The following SLFN13 variants were observed in gnomAD, a reference collection of about 807,000 sequenced individuals.
SLFN13 encodes the protein schlafen family member 13, also known as schlafen-13.
A neutral mutation model predicts 50.6 loss-of-function variants in SLFN13; 43 were observed. That is an observed-to-expected ratio of 0.85 (90% confidence interval 0.67 to 1.09). The LOEUF (loss-of-function observed/expected upper bound fraction) is 1.09. Among genes scored for constraint, SLFN13 ranks in the 50% least tolerant of loss-of-function variants. The pLI is 0.00. For missense variants in SLFN13, 881 were observed against 1,071.1 expected (o/e 0.82, Z 2.48); for synonymous variants, 339 against 386.5 (o/e 0.88, Z 1.44).
chr17:35,439,454 TAAC>T lies in SLFN13; in HGVS notation c.*1138_*1140del, dbSNP rs1297184634. On this transcript the variant is annotated 3_prime_UTR_variant, in exon 6 of 6. Coordinates refer to ENST00000285013, the MANE Select transcript of SLFN13 (RefSeq NM_144682.6). ...ACAGCTACGCTGAGATGTTACAATG[TAAC>T]AACATAAACTCACTGCATTTTTTTT... The T allele has an allele frequency of 6.7e-6, 1 of 149,640 alleles. No individual in the cohort carries two copies. Among genetic ancestry groups the T allele is most frequent in the Non-Finnish European group, 1.5e-5 (1 of 67,680 alleles). The allele number at this position is 149,640 out of a possible 1,614,324, so 9.3% of individuals were successfully genotyped here.
At chr17:35,449,033 AC>A (rs1913373114), upstream of SLFN13, among the ~76,000 whole-genome samples, 1 of 134,038 alleles carries the variant, frequency 7.5e-6, no homozygotes, top group African/African-American at 2.9e-5. Context: ...GCACAGTGGG[AC>A]CCCCGTCTGT....
At chr17:35,444,427 A>G (rs1433930947) in intron 3 of SLFN13, among the ~76,000 whole-genome samples, 188 bp downstream of exon 3, 1 of 152,230 alleles carries the variant, frequency 6.6e-6, no homozygotes. Flanking sequence ...GTGGGAAATC[A>G]CCATTCACAA....
Position 35,437,678 on chromosome 17 carries a change from T to A in SLFN13, c.*2917A>T, listed in dbSNP as rs1313235359. On this transcript the variant is annotated 3_prime_UTR_variant, in exon 6 of 6. Coordinates refer to ENST00000285013, the MANE Select transcript of SLFN13 (RefSeq NM_144682.6). ...AGTGGCAGGAGACTACAAGGACAGA[T>A]CTGTGAGCATTCCTGGAATTCTCAG... 6.6e-6 allele frequency: 1 copy of A among 152,038 alleles called. No individual in the cohort carries two copies. The highest frequency in any genetic ancestry group is 1.5e-5 in the Non-Finnish European group (1 of 68,006). The allele number at this position is 152,038 out of a possible 1,614,324, so 9.4% of individuals were successfully genotyped here. A position where few individuals can be genotyped will look rare whatever the true frequency, so the allele number is the denominator to read the frequency against.
In SLFN13 at chr17:35,443,888, A is replaced by G. The variant is rs1180502774; in HGVS notation, c.1099T>C (p.Ser367Pro). The G allele has an allele frequency of 3.1e-6, 5 of 1,613,784 alleles. No individual in the cohort carries two copies. The East Asian group carries it at 8.9e-5, about 29-fold the overall frequency. The change falls in exon 4 of 6, where the codon TCT becomes CCT. Residue 367 changes from serine (S) to proline (P), a missense_variant. Ser to Pro is a moderately conservative substitution (Grantham distance 74, BLOSUM62 -1). Transcript: ENST00000285013. The part of the protein sequence containing the change: ...FPPDFAEAFE[S>P]QLSLSDSPSL... ...GGACTGTCAGATAGACTCAACTGAG[A>G]CTCAAAGGCCTCAGCAAAGTCTGGA...
chr17:35,443,991 C>T, intron 3 of SLFN13, 71 bp from the exon 4 acceptor site: 2 of 1,479,856 alleles, frequency 1.4e-6, no homozygotes, highest in Non-Finnish European at 1.8e-6. Flanking sequence ...CTGTACAAGG[C>T]TGTGTCTAAA....
rs1912663287 is a variant in SLFN13, at chr17:35,437,033, T to C, written c.*3562A>G. 6.6e-6 allele frequency: 1 copy of C among 151,988 alleles called. No homozygotes were observed. Among genetic ancestry groups the C allele is most frequent in the Non-Finnish European group, 1.5e-5 (1 of 68,004 alleles). The allele number at this position is 151,988 out of a possible 1,614,324, so 9.4% of individuals were successfully genotyped here. On this transcript the variant is annotated 3_prime_UTR_variant, in exon 6 of 6. Coordinates refer to ENST00000285013, the MANE Select transcript of SLFN13 (RefSeq NM_144682.6). ...AAACACCCACTGAAGTATTTAGTGGTAAATGGGAACCCTGTCCGCTACTTA... is the reference window on the plus strand; with the variant it reads ...AAACACCCACTGAAGTATTTAGTGGCAAATGGGAACCCTGTCCGCTACTTA...
At chr17:35,443,432 G>A (rs1223595967) in intron 4 of SLFN13, among the ~76,000 whole-genome samples, 1 of 152,166 alleles carries the variant, frequency 6.6e-6, no homozygotes, top group Non-Finnish European at 1.5e-5. Context: ...TCCCCTTGTA[G>A]TTGTACTAGA....
intron 1 of SLFN13, among the ~76,000 whole-genome samples, chr17:35,447,832 T>C (rs928338924): frequency 9.9e-5 from 15 of 152,024 alleles, no homozygotes; most frequent in Non-Finnish European, 1.8e-4. Flanking sequence ...ATCAGGATAA[T>C]GGGTACAGGG....
chr17:35,446,628 C>T (rs1341979207), intron 2 of SLFN13: 1 of 152,150 alleles, frequency 6.6e-6, no homozygotes, highest in African/African-American at 2.4e-5. Context: ...CACAGGTGTT[C>T]AGCAAAGGAA....
rs201392367 is a variant in SLFN13 at position 35,445,294 on chromosome 17, G to T, written c.387C>A (p.Ser129Arg). 8.7e-6 allele frequency: 14 copies of T among 1,613,700 alleles called. No individual in the cohort carries two copies. The highest frequency in any genetic ancestry group is 1.1e-5 in the Non-Finnish European group (13 of 1,179,964). ...ATCTACAGTATAATGAAGAACTAAGGCTGCAAATGCGGGAATTGAAAGAAC... is the reference window on the plus strand; with the variant it reads ...ATCTACAGTATAATGAAGAACTAAGTCTGCAAATGCGGGAATTGAAAGAAC... ...KDGSFNSRIC[S>R]LSSSLYCRSG... Residue 129 changes from serine (S) to arginine (R), a missense_variant, in exon 3 of 6, where the codon AGC (serine) becomes AGA (arginine). By Grantham distance (110) the Ser-to-Arg change is moderately radical (BLOSUM62 -1). Around this residue, in one of 5 missense-constraint regions of SLFN13, gnomAD observed 497 missense variants for 518.3 expected, o/e 0.96. Transcript: ENST00000285013.
Position 35,436,790 on chromosome 17 carries a change from T to TA in SLFN13, c.*3804dup, listed in dbSNP as rs1316753546. The TA allele has an allele frequency of 3.9e-5, 6 of 152,132 alleles. No individual in the cohort carries two copies. Among genetic ancestry groups the TA allele is most frequent in the African/African-American group, 1.4e-4 (6 of 41,446 alleles). 9.4% of individuals were successfully genotyped at this position (152,132 alleles called of 1,614,324 possible). On this transcript the variant is annotated 3_prime_UTR_variant, in exon 6 of 6. Transcript: ENST00000285013. The stretch of plus-strand genomic sequence containing the variant: ...TGTCAAAGATATGACAAAGACAGAT[T>TA]AACATCTCCAGATTAAATGAGACTT...
In SLFN13 at chr17:35,445,078, A is replaced by G; in HGVS notation, c.603T>C (p.Gly201=). ...EVFQTDTIEY[G]EILSFPESPS... Reference sequence around the variant, plus strand: ...GAGACTCAGGAAAAGATAGGATTTCACCATATTCAATAGTGTCAGTTTGGA... The same window carrying G: ...GAGACTCAGGAAAAGATAGGATTTCGCCATATTCAATAGTGTCAGTTTGGA... Residue 201 remains glycine (G), a synonymous_variant, in exon 3 of 6, where the codon GGT becomes GGC. Transcript: ENST00000285013. 1 of 1,614,002 alleles carries G rather than the reference A, an allele frequency of 6.2e-7. No individual in the cohort carries two copies. Among genetic ancestry groups the G allele is most frequent in the Non-Finnish European group, 8.5e-7 (1 of 1,180,034 alleles).
At position 35,445,059 on chromosome 17, in the gene SLFN13, C is replaced by T; in HGVS notation, c.622G>A (p.Glu208Lys). The T allele has an allele frequency of 1.2e-6, 2 of 1,614,046 alleles. No individual in the cohort carries two copies. Among genetic ancestry groups the T allele is most frequent in the Non-Finnish European group, 1.7e-6 (2 of 1,180,030 alleles). The change falls in exon 3 of 6, where the codon GAG becomes AAG. Residue 208 changes from glutamate (E) to lysine (K), a missense_variant. Physicochemically the swap from Glu to Lys is moderately conservative, Grantham distance 56. This residue lies in a region of SLFN13 where 497 missense variants were observed against 518.3 expected (regional missense o/e 0.96). Transcript: ENST00000285013. ...IEYGEILSFP[E>K]SPSIEFKQFS... ...TGTTTAAACTCTATGGATGGAGACT[C>T]AGGAAAAGATAGGATTTCACCATAT...
intron 2 of SLFN13, 21 bp from the exon 3 acceptor site, chr17:35,445,714 G>A (rs1913184159): frequency 1.3e-6 from 2 of 1,511,462 alleles, no homozygotes; most frequent in East Asian, 4.6e-5. Context: ...TAGAATATTT[G>A]TTTCATTTTT....
chr17:35,436,973 G>A lies in SLFN13; in HGVS notation c.*3622C>T, dbSNP rs1433598629. 6.6e-6 allele frequency: 1 copy of A among 152,030 alleles called. No homozygotes were observed. Among genetic ancestry groups the A allele is most frequent in the Non-Finnish European group, 1.5e-5 (1 of 68,012 alleles). 9.4% of individuals were successfully genotyped at this position (152,030 alleles called of 1,614,324 possible). ...ATAATAGTATCAGGGTTAATTTACTGATTTTGATGATGGTACTATAAATGT... is the reference window on the plus strand; with the variant it reads ...ATAATAGTATCAGGGTTAATTTACTAATTTTGATGATGGTACTATAAATGT... On this transcript the variant is annotated 3_prime_UTR_variant, in exon 6 of 6. Transcript: ENST00000285013.
At chr17:35,441,455 T>C (rs1912887635) in intron 5 of SLFN13, 89 bp from the exon 6 acceptor site, 1 of 1,586,744 alleles carries the variant, frequency 6.3e-7, no homozygotes. Context: ...GCACAGTATA[T>C]TGCCACAGAT....
Position 35,445,384 on chromosome 17 carries a change from CT to C in SLFN13, c.296del (p.Lys99SerfsTer47). On this transcript the variant is annotated frameshift_variant, in exon 3 of 6. Transcript: ENST00000285013. LOFTEE classifies it high-confidence loss of function. ...YPYLQAFFET[K>X]QHGRCFYIFV... ...AAATATAAAAACACCTTCCGTGTTG[CT>C]TAGTCTCAAAGAAAGCCTGCAAATA... The C allele has an allele frequency of 9.3e-6, 15 of 1,614,146 alleles. No homozygotes were observed. The highest frequency in any genetic ancestry group is 1.2e-5 in the Non-Finnish European group (14 of 1,180,014).
upstream of SLFN13, among the ~76,000 whole-genome samples, chr17:35,449,456 A>G (rs1378525330): frequency 1.3e-5 from 2 of 151,794 alleles, no homozygotes; most frequent in African/African-American, 4.8e-5. Context: ...GCAACTGCCC[A>G]TACCCCAGCT....
Position 35,442,183 on chromosome 17 carries a change from G to T in SLFN13, c.1302C>A (p.Phe434Leu), listed in dbSNP as rs748131442. The change falls in exon 5 of 6, where the codon TTC (phenylalanine) becomes TTA (leucine). Residue 434 changes from phenylalanine (F) to leucine (L), a missense_variant. Transcript: ENST00000285013. ...TAGAGAGGATCACAATTCCCTGGGA[G>T]AAAGGTCGCATTTGCTTGTGTATTA... ...KELIHKQMRP[F>L]SQGIVILSRS... 1.9e-6 allele frequency: 3 copies of T among 1,614,236 alleles called. No homozygotes were observed. The highest frequency in any genetic ancestry group is 1.7e-6 in the Non-Finnish European group (2 of 1,180,042).
Sources: allele counts gnomAD v4.1 joint callset (sites outside exome capture counted in the v4.1 genomes callset), GRCh38; gene constraint gnomAD v4.1.1; regional missense constraint gnomAD v4.1.1; transcripts MANE v1.5; gene names NCBI Gene and HGNC (gene_info 2026-07-23, HGNC 2026-07-21).